AKT3: variants seen among roughly 807,000 people sequenced by gnomAD.
The protein encoded by AKT3 is RAC-gamma serine/threonine-protein kinase.
In AKT3, 15 loss-of-function variants were observed where a neutral mutation model predicts 65.3. That is an observed-to-expected ratio of 0.23 (90% confidence interval 0.15 to 0.35). AKT3 has a LOEUF of 0.35. Among genes scored for constraint, AKT3 ranks in the 10% least tolerant of loss-of-function variants. AKT3 has a pLI of 1.00. For synonymous variants in AKT3, 206 were observed against 183.8 expected (o/e 1.12, Z -0.98); for missense variants, 243 against 576.5 (o/e 0.42, Z 5.92).
chr1:243,803,673 CACACACACACACACACACAT>C, intron 2 of AKT3, among the ~76,000 whole-genome samples: 1 of 151,210 alleles, frequency 6.6e-6, no homozygotes, highest in African/African-American at 2.4e-5. Flanking sequence ...CACACACACA[CACACACACACACACACACAT>C]AAGACTGAAA....
chr1:243,789,884 G>A (rs1407108230), intron 2 of AKT3, among the ~76,000 whole-genome samples: 2 of 152,142 alleles, frequency 1.3e-5, no homozygotes, highest in Non-Finnish European at 2.9e-5. Flanking sequence ...AGAGCTCTTG[G>A]GTGACCAGGT....
chr1:243,498,474 C>T (rs1335486743), downstream of AKT3, among the ~76,000 whole-genome samples: 3 of 152,160 alleles, frequency 2.0e-5, no homozygotes, highest in Non-Finnish European at 4.4e-5. Context: ...GGCCTCCTGC[C>T]GGAGCCCCAC....
intron 2 of AKT3, among the ~76,000 whole-genome samples, chr1:243,779,843 G>T (rs904740901): frequency 6.6e-6 from 1 of 152,074 alleles, no homozygotes; most frequent in African/African-American, 2.4e-5. Context: ...CATGTCAAAA[G>T]AATTTAAAAG....
chr1:243,702,036 C>T (rs1441334285), intron 2 of AKT3, among the ~76,000 whole-genome samples: 1 of 148,206 alleles, frequency 6.7e-6, no homozygotes, highest in Non-Finnish European at 1.5e-5. Context: ...ATACTTAATG[C>T]ATGCGTTAAT....
chr1:243,618,877 G>T (rs1345086318), intron 6 of AKT3, among the ~76,000 whole-genome samples: 1 of 105,206 alleles, frequency 9.5e-6, no homozygotes. Flanking sequence ...TGTAGGAGAG[G>T]GCAAACAAGA....
intron 4 of AKT3, among the ~76,000 whole-genome samples, chr1:243,656,103 C>CGGGGGG (rs530798332): frequency 5.8e-5 from 1 of 17,210 alleles, no homozygotes; most frequent in Non-Finnish European, 1.1e-4. Flanking sequence ...GAGGGTGTGG[C>CGGGGGG]GGGGGGGTGT....
intron 12 of AKT3, among the ~76,000 whole-genome samples, chr1:243,521,097 T>C (rs1418927117): frequency 6.6e-6 from 1 of 152,184 alleles, no homozygotes; most frequent in East Asian, 1.9e-4. Flanking sequence ...CTTTCTTCTA[T>C]TGTTCCTTCC....
intron 12 of AKT3, among the ~76,000 whole-genome samples, chr1:243,542,331 G>A (rs184851310): frequency 6.6e-6 from 1 of 152,254 alleles, no homozygotes; most frequent in East Asian, 1.9e-4. Flanking sequence ...GCAAATCCAG[G>A]ACCAGGATCC....
At chr1:243,672,604 T>C (rs537269731) in intron 3 of AKT3, among the ~76,000 whole-genome samples, 42 of 152,318 alleles carry the variant, frequency 2.8e-4, no homozygotes, top group Middle Eastern at 3.4e-3. Context: ...ATCATCCACA[T>C]TCCAAATTGT....
intron 12 of AKT3, among the ~76,000 whole-genome samples, chr1:243,519,186 A>AC (rs1670551863): frequency 6.6e-6 from 1 of 152,224 alleles, no homozygotes; most frequent in South Asian, 2.1e-4. Flanking sequence ...AACAGCAGAA[A>AC]CAACAGCCAA....
At chr1:243,588,698 T>C (rs1675980165) in intron 8 of AKT3, among the ~76,000 whole-genome samples, 1 of 152,124 alleles carries the variant, frequency 6.6e-6, no homozygotes, top group African/African-American at 2.4e-5. Flanking sequence ...TGCAAAAGAA[T>C]GTAATGGAGT....
intron 2 of AKT3, among the ~76,000 whole-genome samples, chr1:243,756,887 A>C (rs1032118885): frequency 7.9e-5 from 12 of 152,244 alleles, no homozygotes; most frequent in African/African-American, 2.9e-4. Flanking sequence ...ATTGAGTATC[A>C]ATTCAGAATA....
intron 3 of AKT3, among the ~76,000 whole-genome samples, chr1:243,685,924 A>G (rs916158819): frequency 2.0e-5 from 3 of 152,198 alleles, no homozygotes; most frequent in Non-Finnish European, 2.9e-5. Context: ...ATACAAAATC[A>G]ATGTGCAAAA....
intron 12 of AKT3, among the ~76,000 whole-genome samples, chr1:243,530,342 T>TA (rs1671441616): frequency 6.6e-6 from 1 of 152,032 alleles, no homozygotes; most frequent in African/African-American, 2.4e-5. Context: ...CACAGCACAA[T>TA]AAAAACAGAA....
intron 2 of AKT3, among the ~76,000 whole-genome samples, chr1:243,769,278 C>T (rs915083537): frequency 1.3e-5 from 2 of 152,150 alleles, no homozygotes; most frequent in Admixed American, 6.6e-5. Context: ...CAAACATTCA[C>T]ATACAAGTTT....
intron 12 of AKT3, among the ~76,000 whole-genome samples, chr1:243,519,088 C>T (rs528343626): frequency 3.0e-4 from 46 of 152,202 alleles, no homozygotes; most frequent in African/African-American, 1.1e-3. Context: ...ATGTGGAAGA[C>T]GAAGCCAGCA....
intron 4 of AKT3, among the ~76,000 whole-genome samples, chr1:243,658,875 A>T (rs2147894790): frequency 6.6e-6 from 1 of 151,764 alleles, no homozygotes; most frequent in East Asian, 1.9e-4. Flanking sequence ...AAAAAAAAAA[A>T]AAAAAAAAAA....
rs142882221 is a variant in AKT3 at position 243,758,737 on chromosome 1, A to G, written c.47-63021T>C. On this transcript the variant is annotated intron_variant, in intron 2 of 13. Coordinates refer to ENST00000673466, the MANE Select transcript of AKT3 (RefSeq NM_005465.7). Reference sequence around the variant, plus strand: ...TAGATCCCTCGCATGCAGAGTTCACAATAGGGTTCGCACTCCTATGAGAAT... The same window carrying G: ...TAGATCCCTCGCATGCAGAGTTCACGATAGGGTTCGCACTCCTATGAGAAT... Among the ~76,000 whole-genome samples, 510 of 152,308 alleles carry G rather than the reference A, an allele frequency of 3.3e-3. 4 individuals carry two copies. Among genetic ancestry groups the G allele is most frequent in the African/African-American group, 0.012 (505 of 41,568 alleles).
intron 2 of AKT3, among the ~76,000 whole-genome samples, chr1:243,831,740 G>A (rs114507923): frequency 3.1e-4 from 47 of 152,090 alleles, no homozygotes; most frequent in Middle Eastern, 3.4e-3. Flanking sequence ...TCCACAAGGT[G>A]GAAGATACTC....
Sources: allele counts gnomAD v4.1 joint callset (sites outside exome capture counted in the v4.1 genomes callset), GRCh38; gene constraint gnomAD v4.1.1; transcripts MANE v1.5; gene names NCBI Gene and HGNC (gene_info 2026-07-23, HGNC 2026-07-21).